ADGRD1: variants seen among roughly 807,000 people sequenced by gnomAD.
ADGRD1 encodes adhesion G protein-coupled receptor D1, also known as G-protein coupled receptor 133.
A neutral mutation model predicts 113.4 loss-of-function variants in ADGRD1; 77 were observed. That is an observed-to-expected ratio of 0.68 (90% CI 0.57 to 0.82). The LOEUF is 0.82. Among genes scored for constraint, ADGRD1 ranks in the 40% least tolerant of loss-of-function variants. The pLI is 0.00. For missense variants in ADGRD1, 1,036 were observed against 1,139.1 expected, an observed-to-expected ratio of 0.91 and a Z score of 1.30; for synonymous variants, 474 against 475.0, an observed-to-expected ratio of 1.00 and a Z score of 0.03.
At chr12:131,103,717 G>A (rs145280829) in intron 15 of ADGRD1, among the ~76,000 whole-genome samples, 7 of 152,320 alleles carry the variant, frequency 4.6e-5, no homozygotes, top group Non-Finnish European at 8.8e-5. Context: ...CCCCCTACCC[G>A]CATGCCACAG....
chr12:131,003,370 G>A lies in ADGRD1; in HGVS notation c.1144+68G>A, dbSNP rs936069022. On this transcript the variant is annotated intron_variant, in intron 10 of 24. Coordinates refer to ENST00000261654, the MANE Select transcript of ADGRD1 (RefSeq NM_198827.5). The surrounding 1 kb of genome is among the most constrained non-coding windows in gnomAD (Gnocchi z 4.8). ...GGCTGGAGGCTGCGTTTCACTGCCTGTCTTTTTACACCCTTAGCAGAGAGC... is the reference window on the plus strand; with the variant it reads ...GGCTGGAGGCTGCGTTTCACTGCCTATCTTTTTACACCCTTAGCAGAGAGC... 13 of 1,043,534 alleles carry A rather than the reference G, an allele frequency of 1.2e-5. 1 individual carries two copies. The highest frequency in any genetic ancestry group is 7.8e-5 in the African/African-American group (5 of 63,990). The allele number at this position is 1,043,534 out of a possible 1,614,324, so 64.6% of individuals were successfully genotyped here.
chr12:131,123,082 GTCTT>G (rs1390963457), intron 20 of ADGRD1, among the ~76,000 whole-genome samples: 6 of 53,904 alleles, frequency 1.1e-4, no homozygotes, highest in Non-Finnish European at 2.1e-4. Context: ...TTGCGACAGA[GTCTT>G]CGCTCTGTCG....
At chr12:131,128,233 T>G (rs1373801604) in intron 20 of ADGRD1, among the ~76,000 whole-genome samples, 2 of 150,046 alleles carry the variant, frequency 1.3e-5, no homozygotes, top group East Asian at 4.0e-4. Context: ...TTGGTTGTGA[T>G]GGGACCCTGA....
In ADGRD1 at chr12:130,954,374, C is replaced by A. The variant is rs887847673; in HGVS notation, c.-92C>A. 6 of 1,141,988 alleles carry A rather than the reference C, an allele frequency of 5.3e-6. No individual in the cohort carries two copies. The highest frequency in any genetic ancestry group is 6.2e-6 in the Non-Finnish European group (5 of 803,630). The allele number at this position is 1,141,988 out of a possible 1,614,324, so 70.7% of individuals were successfully genotyped here. A position where few individuals can be genotyped will look rare whatever the true frequency, so the allele number is the denominator to read the frequency against. On this transcript the variant is annotated 5_prime_UTR_variant, in exon 1 of 25. Transcript: ENST00000261654. This position sits in a 1 kb window ranked among gnomAD's most constrained non-coding sequence, Gnocchi z 4.7. Reference sequence around the variant, plus strand: ...TCTCCCCTGGAACCTGTGAAAATGTCCCTTTTCCAAGGAAGTGAAGGTTAA... The same window carrying A: ...TCTCCCCTGGAACCTGTGAAAATGTACCTTTTCCAAGGAAGTGAAGGTTAA...
chr12:130,982,771 A>G (rs1440140322), intron 5 of ADGRD1, among the ~76,000 whole-genome samples: 1 of 152,070 alleles, frequency 6.6e-6, no homozygotes, highest in Non-Finnish European at 1.5e-5. Context: ...TGAGACATGG[A>G]CGTGGGGCAG....
In ADGRD1 at chr12:131,000,371, G is replaced by C. The variant is rs751443983; in HGVS notation, c.967-12G>C. ...GACAGGTGCTGAGCAGTGTCATTTT[G>C]TCCACCTTTAGACCTTCTTAAAAGC... On this transcript the variant is annotated splice_polypyrimidine_tract_variant and intron_variant, in intron 8 of 24. Coordinates refer to ENST00000261654, the MANE Select transcript of ADGRD1 (RefSeq NM_198827.5). 5 of 1,611,368 alleles carry C rather than the reference G, an allele frequency of 3.1e-6. No individual in the cohort carries two copies. The highest frequency in any genetic ancestry group is 3.4e-6 in the Non-Finnish European group (4 of 1,177,678).
At chr12:131,067,639 G>T (rs1368286794) in intron 13 of ADGRD1, among the ~76,000 whole-genome samples, 1 of 140,628 alleles carries the variant, frequency 7.1e-6, no homozygotes, top group East Asian at 2.1e-4. Flanking sequence ...TCCTTCTTCT[G>T]AGCAGGGGCT....
At chr12:130,957,198 A>G (rs943224235) in intron 2 of ADGRD1, 1 of 152,370 alleles carries the variant, frequency 6.6e-6, no homozygotes, top group African/African-American at 2.4e-5. Flanking sequence ...ACATGTTCAC[A>G]CATGTCCACA....
intron 4 of ADGRD1, chr12:130,972,953 C>G (rs531114603): frequency 8.5e-5 from 13 of 152,248 alleles, no homozygotes; most frequent in African/African-American, 2.9e-4. Flanking sequence ...TTTATCTGCA[C>G]GCCGAGGTCA....
At chr12:131,026,163 G>A (rs1879916462) in intron 13 of ADGRD1, 1 of 152,238 alleles carries the variant, frequency 6.6e-6, no homozygotes. Context: ...ACAGACAAAC[G>A]GGGCAGCCGC....
chr12:131,062,917 A>G (rs771870362), intron 13 of ADGRD1, among the ~76,000 whole-genome samples: 9 of 152,136 alleles, frequency 5.9e-5, no homozygotes, highest in Non-Finnish European at 1.3e-4. Context: ...AGCATTTGGT[A>G]TAGTTACTAT....
intron 8 of ADGRD1, among the ~76,000 whole-genome samples, chr12:130,993,024 G>C (rs561685498): frequency 4.0e-4 from 61 of 152,226 alleles, no homozygotes; most frequent in Non-Finnish European, 8.1e-4. Flanking sequence ...TATGGGTTAG[G>C]AGCAGGGTAT....
chr12:131,120,829 C>T lies in ADGRD1; in HGVS notation c.2109-18C>T, dbSNP rs1950574236. On this transcript the variant is annotated intron_variant, in intron 19 of 24. Coordinates refer to ENST00000261654, the MANE Select transcript of ADGRD1 (RefSeq NM_198827.5). ...TGGAACGAGGTTGTTGAAGTAACGGCTCTGCTTCCCTCCGCAGTTGCTGGC... is the reference window on the plus strand; with the variant it reads ...TGGAACGAGGTTGTTGAAGTAACGGTTCTGCTTCCCTCCGCAGTTGCTGGC... 1.2e-6 allele frequency: 2 copies of T among 1,614,060 alleles called. No homozygotes were observed. The highest frequency in any genetic ancestry group is 2.2e-5 in the East Asian group (1 of 44,882).
At chr12:131,033,026 A>G (rs1880966769) in intron 13 of ADGRD1, among the ~76,000 whole-genome samples, 1 of 152,136 alleles carries the variant, frequency 6.6e-6, no homozygotes, top group African/African-American at 2.4e-5. Context: ...CACAGAGACC[A>G]CTTCATTTGC....
At chr12:130,972,653 C>T (rs1428654909) in intron 4 of ADGRD1, among the ~76,000 whole-genome samples, 6 of 151,566 alleles carry the variant, frequency 4.0e-5, no homozygotes, top group Non-Finnish European at 5.9e-5. Context: ...GGCGTGAGCT[C>T]GGTGGCAGGG....
At chr12:131,120,938 C>G (rs763392104) in intron 20 of ADGRD1, 25 bp downstream of exon 20, 1 of 1,607,598 alleles carries the variant, frequency 6.2e-7, no homozygotes, top group Non-Finnish European at 8.5e-7. Context: ...CTTGTGGGCG[C>G]AGAGCGGGGC....
chr12:131,072,305 C>A lies in ADGRD1; in HGVS notation c.1474-4496C>A, dbSNP rs115279333. On this transcript the variant is annotated intron_variant, in intron 13 of 24. Coordinates refer to ENST00000261654, the MANE Select transcript of ADGRD1 (RefSeq NM_198827.5). ...GATGGTGGGTCTCTTACCAGACCAG[C>A]ATCCCACCTTGACGATGAACAGACA... is the stretch of plus-strand genomic sequence containing the variant. Among the ~76,000 whole-genome samples the A allele has an allele frequency of 8.7e-3, 1,330 of 152,250 alleles. 25 individuals carry two copies. Among genetic ancestry groups the A allele is most frequent in the African/African-American group, 0.031 (1,281 of 41,546 alleles).
chr12:130,967,189 C>G (rs1871098432), intron 3 of ADGRD1: 1 of 379,018 alleles, frequency 2.6e-6, no homozygotes, highest in Admixed American at 2.7e-5. Context: ...TTGAAGGGCC[C>G]CCGTTTCATT....
At chr12:130,962,829 C>T (rs1290136192) in intron 2 of ADGRD1, 4 of 152,156 alleles carry the variant, frequency 2.6e-5, no homozygotes, top group Non-Finnish European at 5.9e-5. Flanking sequence ...GTACATAAAA[C>T]TGGAGGGACA....
Sources: gnomAD v4.1 joint callset for allele counts (sites outside exome capture counted in the v4.1 genomes callset) on GRCh38, gnomAD v4.1.1 for gene constraint, Gnocchi (gnomAD v3.1) non-coding constraint, MANE v1.5 for transcripts, NCBI Gene and HGNC (gene_info 2026-07-23, HGNC 2026-07-21) for gene names.